Variants in VEZT observed in about 807,000 individuals in gnomAD.
VEZT encodes the protein vezatin.
VEZT carries 39 observed loss-of-function variants against 79.9 expected under a neutral mutation model. That is an observed-to-expected ratio of 0.49 (90% CI 0.38 to 0.64). The LOEUF is 0.64. Ranked by LOEUF, VEZT falls within the 30% of genes least tolerant of loss-of-function variation. The probability of loss-of-function intolerance (pLI) is 0.00; values close to 1 mark genes in which losing one functional copy is unlikely to be tolerated. For synonymous variants in VEZT, 325 were observed against 327.6 expected, an observed-to-expected ratio of 0.99 and a Z score of 0.09; for missense variants, 837 against 893.1, an observed-to-expected ratio of 0.94 and a Z score of 0.80.
chr12:95,276,306 C>T (rs1215456187), intron 7 of VEZT, among the ~76,000 whole-genome samples: 3 of 130,140 alleles, frequency 2.3e-5, no homozygotes, highest in African/African-American at 8.6e-5. Context: ...CACTCTGTTG[C>T]CCAGGCTGGA....
At chr12:95,239,995 G>A (rs60264585) in intron 1 of VEZT, among the ~76,000 whole-genome samples, 9,932 of 141,656 alleles carry the variant, frequency 0.07, 454 homozygotes, top group Middle Eastern at 0.11. Context: ...GAGAGAGAGA[G>A]GAGACAGAGA....
chr12:95,297,794 A>T (rs1044803677), intron 11 of VEZT, among the ~76,000 whole-genome samples: 8 of 152,192 alleles, frequency 5.3e-5, no homozygotes, highest in African/African-American at 1.9e-4. Context: ...ATTAAACTAC[A>T]GTTCACAAAT....
chr12:95,274,888 A>C lies in VEZT; in HGVS notation c.995A>C (p.Lys332Thr). Residue 332 changes from lysine to threonine, a missense_variant and splice_region_variant, in exon 7 of 12, where the codon AAG becomes ACG. By Grantham distance (78) the Lys-to-Thr change is moderately conservative (BLOSUM62 -1). Transcript: ENST00000436874. ...GATGGCTTCAGCCTGCCTGCATTGA[A>C]GGTAATCCATTTGTGTAAGGGAAGG... ...FTDGFSLPAL[K>T]VLFQLWVAQS... 6.2e-7 allele frequency: 1 copy of C among 1,612,300 alleles called. No individual in the cohort carries two copies. Among genetic ancestry groups the C allele is most frequent in the South Asian group, 1.1e-5 (1 of 90,670 alleles).
intron 4 of VEZT, among the ~76,000 whole-genome samples, chr12:95,265,459 G>T (rs1168632000): frequency 6.7e-6 from 1 of 148,274 alleles, no homozygotes; most frequent in Non-Finnish European, 1.5e-5. Flanking sequence ...GTGTTTCTAT[G>T]CAAATAAAGT....
intron 3 of VEZT, chr12:95,262,343 A>C (rs2064701113): frequency 6.6e-6 from 1 of 152,224 alleles, no homozygotes; most frequent in South Asian, 2.1e-4. Context: ...ATATTCCTTG[A>C]TAGATGAATA....
chr12:95,272,711 G>C (rs2066869261), intron 6 of VEZT, among the ~76,000 whole-genome samples: 1 of 152,216 alleles, frequency 6.6e-6, no homozygotes, highest in African/African-American at 2.4e-5. Flanking sequence ...TAAGGGGATA[G>C]TATATGCAGC....
intron 1 of VEZT, among the ~76,000 whole-genome samples, chr12:95,247,957 G>T (rs190541435): frequency 1.3e-5 from 2 of 152,238 alleles, no homozygotes; most frequent in Non-Finnish European, 2.9e-5. Context: ...TATTAAACCT[G>T]CAATACATTC....
chr12:95,223,981 C>T (rs1022289327), intron 1 of VEZT, among the ~76,000 whole-genome samples: 1 of 152,018 alleles, frequency 6.6e-6, no homozygotes, highest in African/African-American at 2.4e-5. Context: ...AGTTGTATCA[C>T]GAAAGTTTTG....
intron 11 of VEZT, chr12:95,296,651 A>T (rs1009064341): frequency 6.5e-6 from 1 of 154,734 alleles, no homozygotes; most frequent in African/African-American, 2.4e-5. Context: ...TCACATTGAA[A>T]AAAATGGCCC....
chr12:95,302,013 T>C lies in VEZT; in HGVS notation c.*1340T>C, dbSNP rs571875616. ...TTTTGCCAAAATCCTGGAACTCATC[T>C]ATAATTAACCTCTTCGGAGCAATAC... On this transcript the variant is annotated 3_prime_UTR_variant, in exon 12 of 12. Coordinates refer to ENST00000436874, the MANE Select transcript of VEZT (RefSeq NM_017599.4). 1 of 152,346 alleles carries C rather than the reference T, an allele frequency of 6.6e-6. No homozygotes were observed. The highest frequency in any genetic ancestry group is 2.1e-4 in the South Asian group (1 of 4,832). 9.4% of individuals were successfully genotyped at this position (152,346 alleles called of 1,614,324 possible). A position where few individuals can be genotyped will look rare whatever the true frequency, so the allele number is the denominator to read the frequency against.
At chr12:95,233,122 A>G (rs2059500583) in intron 1 of VEZT, among the ~76,000 whole-genome samples, 2 of 151,792 alleles carry the variant, frequency 1.3e-5, no homozygotes, top group Non-Finnish European at 2.9e-5. Context: ...TAGTTTTTAT[A>G]TGGGAAAGTG....
At chr12:95,269,913 T>C (rs1176847802) in intron 5 of VEZT, 138 bp from the exon 6 acceptor site, 10 of 917,852 alleles carry the variant, frequency 1.1e-5, no homozygotes, top group South Asian at 1.7e-5. Context: ...AGTTGACATA[T>C]GTATAATCAT....
chr12:95,227,637 G>A (rs1219282192), intron 1 of VEZT, among the ~76,000 whole-genome samples: 5 of 151,968 alleles, frequency 3.3e-5, no homozygotes, highest in South Asian at 2.1e-4. Context: ...CACCATGCCC[G>A]GCCAATTTTT....
At chr12:95,237,941 G>C (rs1466107484) in intron 1 of VEZT, among the ~76,000 whole-genome samples, 1 of 152,214 alleles carries the variant, frequency 6.6e-6, no homozygotes, top group African/African-American at 2.4e-5. Flanking sequence ...TATGTTCCCA[G>C]ATTCTGTAGC....
At chr12:95,296,425 G>A (rs750360576) in intron 11 of VEZT, 167 bp downstream of exon 11, 38 of 494,946 alleles carry the variant, frequency 7.7e-5, no homozygotes, top group Non-Finnish European at 1.3e-4. Context: ...TAATAAAAGA[G>A]TAGGAATGTA....
intron 2 of VEZT, among the ~76,000 whole-genome samples, chr12:95,252,762 C>T (rs559270187): frequency 6.6e-6 from 1 of 152,230 alleles, no homozygotes; most frequent in Admixed American, 6.5e-5. Context: ...GTCAGGAGTT[C>T]GAGACCAGCC....
At chr12:95,296,302 ATTCT>A (rs1220624786) in intron 11 of VEZT, 44 bp downstream of exon 11, 1 of 1,510,518 alleles carries the variant, frequency 6.6e-7, no homozygotes, top group Non-Finnish European at 8.9e-7. Flanking sequence ...AATGTAGGGG[ATTCT>A]TTCTTTCTTG....
At chr12:95,230,099 C>A (rs912299391) in intron 1 of VEZT, among the ~76,000 whole-genome samples, 1 of 126,440 alleles carries the variant, frequency 7.9e-6, no homozygotes, top group African/African-American at 3.4e-5. Context: ...AGAGAGATTC[C>A]GTCTCAAAAA....
intron 5 of VEZT, among the ~76,000 whole-genome samples, chr12:95,269,579 C>T (rs1348575799): frequency 5.9e-5 from 9 of 151,978 alleles, no homozygotes; most frequent in African/African-American, 1.2e-4. Flanking sequence ...ATGTGATGAA[C>T]GTATGTAAAT....
Sources: allele counts gnomAD v4.1 joint callset (sites outside exome capture counted in the v4.1 genomes callset), GRCh38; gene constraint gnomAD v4.1.1; transcripts MANE v1.5; gene names NCBI Gene and HGNC (gene_info 2026-07-23, HGNC 2026-07-21).